The following INPP5B variants were observed in gnomAD, a reference collection of about 807,000 sequenced individuals.
INPP5B encodes the protein type II inositol 1,4,5-trisphosphate 5-phosphatase.
INPP5B carries 90 observed loss-of-function variants against 118.5 expected under a neutral mutation model. That is an observed-to-expected ratio of 0.76 (90% confidence interval 0.64 to 0.90). The LOEUF is 0.90. Ranked by LOEUF, INPP5B falls within the 40% of genes least tolerant of loss-of-function variation. The pLI, the probability that INPP5B is intolerant of heterozygous loss-of-function variation, is 0.00. For missense variants in INPP5B, 984 were observed against 1,125.6 expected (o/e 0.87, Z 1.80); for synonymous variants, 385 against 418.9 (o/e 0.92, Z 0.99).
At chr1:37,883,480 G>A in intron 13 of INPP5B, 2 of 985,350 alleles carry the variant, frequency 2.0e-6, no homozygotes, top group South Asian at 9.4e-5. Flanking sequence ...GATTCCTTCT[G>A]CTGCTTTGGG....
chr1:37,876,103 G>A (rs1420101151), intron 16 of INPP5B, among the ~76,000 whole-genome samples: 1 of 145,180 alleles, frequency 6.9e-6, no homozygotes, highest in African/African-American at 2.5e-5. Flanking sequence ...TGTTTCTCAA[G>A]TTTGTTTTTT....
At position 37,861,407 on chromosome 1, in the gene INPP5B, T is replaced by G. The variant is rs1358904500; in HGVS notation, c.*908A>C. 1 of 152,024 alleles carries G rather than the reference T, an allele frequency of 6.6e-6. No homozygotes were observed. Among genetic ancestry groups the G allele is most frequent in the Non-Finnish European group, 1.5e-5 (1 of 68,032 alleles). The allele number at this position is 152,024 out of a possible 1,614,324, so 9.4% of individuals were successfully genotyped here. ...GACTGACTATGCCCTGGAGGTAGGG[T>G]GAGTGAGTACAAGTACAGTTATTTA... On this transcript the variant is annotated 3_prime_UTR_variant, in exon 24 of 24. Coordinates refer to ENST00000373024, the MANE Select transcript of INPP5B (RefSeq NM_005540.3).
chr1:37,916,410 C>CT (rs1557692693), intron 7 of INPP5B, among the ~76,000 whole-genome samples: 11 of 147,290 alleles, frequency 7.5e-5, no homozygotes, highest in African/African-American at 1.5e-4. Flanking sequence ...CTTTTTCTTT[C>CT]ATTTTTTTTT....
In INPP5B at chr1:37,926,093, C is replaced by G. The variant is rs1450761845; in HGVS notation, c.532+5820G>C. ...ATGAAAGAGAGAGTGAGAGAGAAAACCACCCCGGGGGCTATTTTGCTAACA... is the reference window on the plus strand; with the variant it reads ...ATGAAAGAGAGAGTGAGAGAGAAAAGCACCCCGGGGGCTATTTTGCTAACA... On this transcript the variant is annotated intron_variant, in intron 7 of 23. Coordinates refer to ENST00000373024, the MANE Select transcript of INPP5B (RefSeq NM_005540.3). 3.9e-4 allele frequency among the ~76,000 whole-genome samples: 59 copies of G among 152,172 alleles called. 1 individual carries two copies. The highest frequency in any genetic ancestry group is 3.9e-3 in the Admixed American group (59 of 15,272).
intron 14 of INPP5B, among the ~76,000 whole-genome samples, chr1:37,881,848 C>G (rs1057207805): frequency 6.6e-6 from 1 of 152,056 alleles, no homozygotes; most frequent in African/African-American, 2.4e-5. Context: ...GCCTGTAATC[C>G]CAGTGCTTTG....
At chr1:37,895,549 C>T (rs968936985) in intron 7 of INPP5B, among the ~76,000 whole-genome samples, 7 of 151,650 alleles carry the variant, frequency 4.6e-5, no homozygotes, top group African/African-American at 1.7e-4. Flanking sequence ...TCCACGGTCT[C>T]CCTCTGATGC....
chr1:37,875,430 G>A (rs1415620548), intron 17 of INPP5B, among the ~76,000 whole-genome samples, 176 bp downstream of exon 17: 1 of 152,050 alleles, frequency 6.6e-6, no homozygotes, highest in African/African-American at 2.4e-5. Flanking sequence ...CACCACGCCC[G>A]GCTAATTTTT....
chr1:37,892,902 G>A (rs1643887965), intron 7 of INPP5B, among the ~76,000 whole-genome samples: 1 of 151,996 alleles, frequency 6.6e-6, no homozygotes, highest in African/African-American at 2.4e-5. Context: ...CTTTTGCTAT[G>A]TGAGAACACA....
chr1:37,908,055 T>A (rs1644558002), intron 7 of INPP5B, among the ~76,000 whole-genome samples: 1 of 152,090 alleles, frequency 6.6e-6, no homozygotes, highest in African/African-American at 2.4e-5. Context: ...TGTACACCTA[T>A]CCCAAACGTA....
intron 13 of INPP5B, chr1:37,883,145 C>T: frequency 1.0e-6 from 1 of 985,354 alleles, no homozygotes; most frequent in Non-Finnish European, 1.2e-6. Flanking sequence ...CTTGTGTTCT[C>T]CTTAGCTATT....
At chr1:37,916,745 A>G (rs1034329883) in intron 7 of INPP5B, among the ~76,000 whole-genome samples, 7 of 152,184 alleles carry the variant, frequency 4.6e-5, no homozygotes, top group African/African-American at 1.7e-4. Context: ...ACATGCCATC[A>G]TACAAAGAAA....
chr1:37,905,754 A>G (rs1317445933), intron 7 of INPP5B, among the ~76,000 whole-genome samples: 1 of 152,238 alleles, frequency 6.6e-6, no homozygotes, highest in Admixed American at 6.5e-5. Context: ...GACTCATGCA[A>G]AGCTGAAATG....
intron 14 of INPP5B, 121 bp downstream of exon 14, chr1:37,882,686 A>G: frequency 1.5e-6 from 1 of 673,414 alleles, no homozygotes; most frequent in South Asian, 1.8e-5. Context: ...GGACAACATC[A>G]GGAACTCAGG....
At chr1:37,917,302 AAAT>A (rs1644901439) in intron 7 of INPP5B, among the ~76,000 whole-genome samples, 1 of 40,846 alleles carries the variant, frequency 2.4e-5, no homozygotes, top group Non-Finnish European at 5.4e-5. Context: ...GGAAAAAAAA[AAAT>A]AATTATATAT....
intron 7 of INPP5B, among the ~76,000 whole-genome samples, chr1:37,903,584 G>A (rs532273477): frequency 8.3e-4 from 126 of 152,262 alleles, no homozygotes; most frequent in African/African-American, 2.7e-3. Context: ...AAAACTAGCC[G>A]GGCATGGTGG....
At chr1:37,878,109 C>A in intron 16 of INPP5B, 79 bp downstream of exon 16, 2 of 1,516,186 alleles carry the variant, frequency 1.3e-6, no homozygotes, top group Non-Finnish European at 1.8e-6. Flanking sequence ...AGGAAGAAAC[C>A]AGAAAGACAA....
chr1:37,902,527 C>T (rs1644367403), intron 7 of INPP5B, among the ~76,000 whole-genome samples: 2 of 151,904 alleles, frequency 1.3e-5, no homozygotes, highest in African/African-American at 4.8e-5. Context: ...TCCAGGAATC[C>T]AAGACAACAT....
chr1:37,868,717 T>C, intron 19 of INPP5B, 103 bp from the exon 20 acceptor site: 1 of 737,078 alleles, frequency 1.4e-6, no homozygotes, highest in African/African-American at 1.7e-5. Flanking sequence ...AACATTCCAC[T>C]GCCCCTAACC....
intron 6 of INPP5B, among the ~76,000 whole-genome samples, chr1:37,939,449 T>G (rs1056966218): frequency 8.1e-5 from 8 of 99,042 alleles, no homozygotes; most frequent in Non-Finnish European, 2.3e-4. Context: ...GTTTTTGTTT[T>G]TGTTTTTTTT....
Sources: gnomAD v4.1 joint callset for allele counts (sites outside exome capture counted in the v4.1 genomes callset) on GRCh38, gnomAD v4.1.1 for gene constraint, MANE v1.5 for transcripts, NCBI Gene and HGNC (gene_info 2026-07-23, HGNC 2026-07-21) for gene names.